Variants in DISP2 observed in about 807,000 individuals in gnomAD.
DISP2 encodes protein dispatched homolog 2.
DISP2 carries 59 observed loss-of-function variants against 95.5 expected under a neutral mutation model. The ratio of observed to expected loss-of-function variants is 0.62; its 90% CI spans 0.50 to 0.77. The LOEUF is 0.77. Among genes scored for constraint, DISP2 ranks in the 30% least tolerant of loss-of-function variants. The pLI, the probability that DISP2 is intolerant of heterozygous loss-of-function variation, is 0.00. For synonymous variants in DISP2, 827 were observed against 815.0 expected (o/e 1.01, Z -0.25); for missense variants, 1,752 against 1,854.6 (o/e 0.94, Z 1.02).
rs1410507055 is a variant in DISP2 at position 40,376,150 on chromosome 15, A to G, written c.*5832A>G. On this transcript the variant is annotated 3_prime_UTR_variant, in exon 8 of 8. Transcript: ENST00000267889. ...AATATATAAATATATATTAAAAAGGAAAAAATAATAAAAATTTTTAAAAAT... is the reference window on the plus strand; with the variant it reads ...AATATATAAATATATATTAAAAAGGGAAAAATAATAAAAATTTTTAAAAAT... 1.3e-5 allele frequency: 2 copies of G among 151,842 alleles called. No individual in the cohort carries two copies. Among genetic ancestry groups the G allele is most frequent in the African/African-American group, 2.4e-5 (1 of 41,402 alleles). 9.4% of individuals were successfully genotyped at this position (151,842 alleles called of 1,614,324 possible).
chr15:40,376,130 A>T lies in DISP2; in HGVS notation c.*5812A>T, dbSNP rs1352161991. ...ATTGACATGTTATATTGTAAAATAT[A>T]TAAATATATATTAAAAAGGAAAAAA... On this transcript the variant is annotated 3_prime_UTR_variant, in exon 8 of 8. Transcript: ENST00000267889. 1 of 151,904 alleles carries T rather than the reference A, an allele frequency of 6.6e-6. No individual in the cohort carries two copies. Among genetic ancestry groups the T allele is most frequent in the African/African-American group, 2.4e-5 (1 of 41,422 alleles). The allele number at this position is 151,904 out of a possible 1,614,324, so 9.4% of individuals were successfully genotyped here.
chr15:40,363,988 C>T, intron 2 of DISP2, 34 bp downstream of exon 2: 1 of 1,513,294 alleles, frequency 6.6e-7, no homozygotes, highest in Non-Finnish European at 8.8e-7. Context: ...CCAGCTGCCA[C>T]TGGAAAATGC....
Position 40,367,738 on chromosome 15 carries a change from C to G in DISP2, c.1626C>G (p.Phe542Leu). The G allele has an allele frequency of 2.5e-6, 4 of 1,612,900 alleles. No individual in the cohort carries two copies. Among genetic ancestry groups the G allele is most frequent in the Non-Finnish European group, 3.4e-6 (4 of 1,180,030 alleles). The change falls in exon 8 of 8, where the codon TTC (phenylalanine) becomes TTG (leucine). Residue 542 changes from phenylalanine to leucine, a missense_variant. By Grantham distance (22) the Phe-to-Leu change is conservative. This residue lies in a region of DISP2 where 732 missense variants were observed against 714.6 expected (regional missense o/e 1.02). Coordinates refer to ENST00000267889, the MANE Select transcript of DISP2 (RefSeq NM_033510.3). ...QVAFRMAYFP[F>L]VNLAALLLLS... ...CCTTCCGCATGGCCTACTTCCCCTTCGTCAATCTGGCAGCCCTCCTCCTGC... is the reference window on the plus strand; with the variant it reads ...CCTTCCGCATGGCCTACTTCCCCTTGGTCAATCTGGCAGCCCTCCTCCTGC...
chr15:40,364,338 C>G, intron 3 of DISP2, 83 bp downstream of exon 3: 1 of 1,613,582 alleles, frequency 6.2e-7, no homozygotes, highest in Non-Finnish European at 8.5e-7. Context: ...TCTGCTCTAT[C>G]TAGCACCCCT....
chr15:40,367,840 G>T lies in DISP2; in HGVS notation c.1728G>T (p.Gly576=), dbSNP rs763958128. ...TTAGCAAGAGCCAGCTGCCGTCGGG[G>T]GGGCTGGCGCAGCGCGTGGGCCGCA... ...WRLSKSQLPS[G]GLAQRVGRTM... is the part of the protein sequence containing the mutation. The change falls in exon 8 of 8, where the codon GGG becomes GGT. Residue 576 remains glycine, a synonymous_variant. Transcript: ENST00000267889. 7 of 1,601,196 alleles carry T rather than the reference G, an allele frequency of 4.4e-6. No individual in the cohort carries two copies. In the East Asian group the frequency reaches 1.1e-4, roughly 25 times the overall value.
intron 1 of DISP2, among the ~76,000 whole-genome samples, chr15:40,360,266 A>G (rs1889386556): frequency 6.6e-6 from 1 of 152,164 alleles, no homozygotes; most frequent in African/African-American, 2.4e-5. Context: ...GAGAATAAAA[A>G]ACCCCTGTGT....
In DISP2 at chr15:40,358,467, T is replaced by C. The variant is rs1295709419; in HGVS notation, c.119+27T>C. Reference sequence around the variant, plus strand: ...TAGGGCGGACAGCTCCGCAGATCCGTATCACAGACCCTCCCAGACCCTCCC... The same window carrying C: ...TAGGGCGGACAGCTCCGCAGATCCGCATCACAGACCCTCCCAGACCCTCCC... On this transcript the variant is annotated intron_variant, in intron 1 of 7. Coordinates refer to ENST00000267889, the MANE Select transcript of DISP2 (RefSeq NM_033510.3). 1.0e-5 allele frequency: 13 copies of C among 1,255,030 alleles called. No homozygotes were observed. In the South Asian group the frequency reaches 1.8e-4, roughly 17 times the overall value. 77.7% of individuals were successfully genotyped at this position (1,255,030 alleles called of 1,614,324 possible).
chr15:40,368,130 A>G lies in DISP2; in HGVS notation c.2018A>G (p.His673Arg). 6.8e-7 allele frequency: 1 copy of G among 1,470,448 alleles called. No individual in the cohort carries two copies. Among genetic ancestry groups the G allele is most frequent in the Admixed American group, 2.5e-5 (1 of 40,452 alleles). The allele number at this position is 1,470,448 out of a possible 1,614,324, so 91.1% of individuals were successfully genotyped here. ...CCCCGGCGGCTACTGCTGGCGCTGCACCGGCGGCTCCGCGGCCTGCGGAGG... is the reference window on the plus strand; with the variant it reads ...CCCCGGCGGCTACTGCTGGCGCTGCGCCGGCGGCTCCGCGGCCTGCGGAGG... ...SAPRRLLLALHRRLRGLRRAA... is the reference protein window; with the variant it reads ...SAPRRLLLALRRRLRGLRRAA... The change falls in exon 8 of 8, where the codon CAC becomes CGC. Residue 673 changes from histidine (H) to arginine (R), a missense_variant. This residue lies in a region of DISP2 where 732 missense variants were observed against 714.6 expected (regional missense o/e 1.02). Transcript: ENST00000267889.
Position 40,370,099 on chromosome 15 carries a change from G to A in DISP2, c.3987G>A (p.Glu1329=). The A allele has an allele frequency of 6.2e-7, 1 of 1,611,252 alleles. No homozygotes were observed. The highest frequency in any genetic ancestry group is 8.5e-7 in the Non-Finnish European group (1 of 1,178,482). The change falls in exon 8 of 8, where the codon GAG becomes GAA. Residue 1329 remains glutamate, a synonymous_variant. Coordinates refer to ENST00000267889, the MANE Select transcript of DISP2 (RefSeq NM_033510.3). Reference sequence around the variant, plus strand: ...ATGACACTGGGCAGCCAGTCCTTGAGCGAGGCCAGCTCAATGGGAAGCGGG... The same window carrying A: ...ATGACACTGGGCAGCCAGTCCTTGAACGAGGCCAGCTCAATGGGAAGCGGG... ...DLDDTGQPVL[E]RGQLNGKRDT...
chr15:40,369,799 T>C lies in DISP2; in HGVS notation c.3687T>C (p.Pro1229=). 6.3e-7 allele frequency: 1 copy of C among 1,598,882 alleles called. No individual in the cohort carries two copies. The change falls in exon 8 of 8, where the codon CCT becomes CCC. Residue 1229 remains proline, a synonymous_variant. Coordinates refer to ENST00000267889, the MANE Select transcript of DISP2 (RefSeq NM_033510.3). ...ACCAGGCAGTCTTCAGCCAGTGCCCTGCCCTGCAGACCTCCTCCCCCTATA... is the reference window on the plus strand; with the variant it reads ...ACCAGGCAGTCTTCAGCCAGTGCCCCGCCCTGCAGACCTCCTCCCCCTATA... ...LDHQAVFSQC[P]ALQTSSPYKQ...
In DISP2 at chr15:40,369,227, T is replaced by C; in HGVS notation, c.3115T>C (p.Ser1039Pro). ...AGACTTCACTGTCAACTACTGCATC[T>C]CCTATCACCTGTGCCCACACCCTGA... Reference protein sequence around the residue: ...SVDFTVNYCISYHLCPHPDRL... With the variant: ...SVDFTVNYCIPYHLCPHPDRL... Residue 1039 changes from serine (S) to proline (P), a missense_variant, in exon 8 of 8, where the codon TCC becomes CCC. By Grantham distance (74) the Ser-to-Pro change is moderately conservative (BLOSUM62 -1). Transcript: ENST00000267889. 1 of 1,613,922 alleles carries C rather than the reference T, an allele frequency of 6.2e-7. No individual in the cohort carries two copies.
In DISP2 at chr15:40,368,135, C is replaced by T; in HGVS notation, c.2023C>T (p.Arg675Trp). The T allele has an allele frequency of 6.8e-7, 1 of 1,472,140 alleles. No individual in the cohort carries two copies. The highest frequency in any genetic ancestry group is 8.9e-7 in the Non-Finnish European group (1 of 1,119,320). 91.2% of individuals were successfully genotyped at this position (1,472,140 alleles called of 1,614,324 possible). A position where few individuals can be genotyped will look rare whatever the true frequency, so the allele number is the denominator to read the frequency against. The change falls in exon 8 of 8, where the codon CGG becomes TGG. Residue 675 changes from arginine to tryptophan, a missense_variant. Arg to Trp is a moderately radical substitution (Grantham distance 101). Coordinates refer to ENST00000267889, the MANE Select transcript of DISP2 (RefSeq NM_033510.3). ...PRRLLLALHR[R>W]LRGLRRAAAG... is the part of the protein sequence containing the mutation. ...GCGGCTACTGCTGGCGCTGCACCGGCGGCTCCGCGGCCTGCGGAGGGCGGC... is the reference window on the plus strand; with the variant it reads ...GCGGCTACTGCTGGCGCTGCACCGGTGGCTCCGCGGCCTGCGGAGGGCGGC...
At position 40,374,014 on chromosome 15, in the gene DISP2, A is replaced by AATATATATATAT. The variant is rs1555400589; in HGVS notation, c.*3703_*3714dup. ...GCGAGACTCCATCTTAAAAAAAAAA[A>AATATATATATAT]ATATATATATATATATATGTAAACT... On this transcript the variant is annotated 3_prime_UTR_variant, in exon 8 of 8. Transcript: ENST00000267889. 97 of 103,954 alleles carry AATATATATATAT rather than the reference A, an allele frequency of 9.3e-4. 1 individual carries two copies. Among genetic ancestry groups the AATATATATATAT allele is most frequent in the African/African-American group, 3.4e-3 (82 of 23,788 alleles). The allele number at this position is 103,954 out of a possible 1,614,324, so 6.4% of individuals were successfully genotyped here.
In DISP2 at chr15:40,367,490, T is replaced by C. The variant is rs1595727508; in HGVS notation, c.1378T>C (p.Trp460Arg). 2 of 1,613,476 alleles carry C rather than the reference T, an allele frequency of 1.2e-6. No homozygotes were observed. Among genetic ancestry groups the C allele is most frequent in the African/African-American group, 1.3e-5 (1 of 74,788 alleles). ...CTACCTGGACCGGCTGGCCACCCCC[T>C]GGGGGCTTGCTGACAACTACACCTC... ...DIYLDRLATP[W>R]GLADNYTSVT... Residue 460 changes from tryptophan to arginine, a missense_variant, in exon 8 of 8, where the codon TGG (tryptophan) becomes CGG (arginine). Physicochemically the swap from Trp to Arg is moderately radical, Grantham distance 101 (BLOSUM62 -3). Around this residue, in one of 5 missense-constraint regions of DISP2, gnomAD observed 732 missense variants for 714.6 expected, o/e 1.02. Coordinates refer to ENST00000267889, the MANE Select transcript of DISP2 (RefSeq NM_033510.3).
intron 1 of DISP2, 101 bp from the exon 2 acceptor site, chr15:40,363,524 C>T: frequency 1.2e-6 from 1 of 869,284 alleles, no homozygotes; most frequent in Non-Finnish European, 1.7e-6. Flanking sequence ...ACCCTGAGTC[C>T]CTGTCCCCTT....
Position 40,367,892 on chromosome 15 carries a change from C to T in DISP2, c.1780C>T (p.Leu594=), listed in dbSNP as rs761895992. 6.3e-7 allele frequency: 1 copy of T among 1,598,700 alleles called. No homozygotes were observed. The highest frequency in any genetic ancestry group is 1.7e-5 in the Admixed American group (1 of 59,920). The change falls in exon 8 of 8, where the codon CTG becomes TTG. Residue 594 remains leucine (L), a synonymous_variant. Transcript: ENST00000267889. ...RTMHHFGYLL[L]VSGLTTSAAF... is the part of the protein sequence containing the mutation. ...CATGCACCACTTCGGCTACCTGCTGCTGGTCTCCGGCCTCACCACGAGCGC... is the reference window on the plus strand; with the variant it reads ...CATGCACCACTTCGGCTACCTGCTGTTGGTCTCCGGCCTCACCACGAGCGC...
intron 6 of DISP2, 29 bp from the exon 7 acceptor site, chr15:40,365,599 G>C (rs748535050): frequency 6.2e-7 from 1 of 1,612,788 alleles, no homozygotes; most frequent in Non-Finnish European, 8.5e-7. Flanking sequence ...CCAAAGGACT[G>C]AGCTCCAGGT....
chr15:40,365,402 A>G lies in DISP2; in HGVS notation c.847+128A>G, dbSNP rs1285920211. On this transcript the variant is annotated intron_variant, in intron 6 of 7. Coordinates refer to ENST00000267889, the MANE Select transcript of DISP2 (RefSeq NM_033510.3). The stretch of plus-strand genomic sequence containing the variant: ...TGGCCAGCTGGCCACAGTCAAGCCA[A>G]GGAAGCCGGGTTACAGCTGGGATAG... The G allele has an allele frequency of 8.1e-6, 12 of 1,472,678 alleles. No homozygotes were observed. In the East Asian group the frequency reaches 2.4e-4, roughly 29 times the overall value. 91.2% of individuals were successfully genotyped at this position (1,472,678 alleles called of 1,614,324 possible).
rs1889668029 is a variant in DISP2, at chr15:40,372,865, G to A, written c.*2547G>A. On this transcript the variant is annotated 3_prime_UTR_variant, in exon 8 of 8. Transcript: ENST00000267889. ...GCATGAGGGATCTGAGCACACCCGA[G>A]GGCCCTACCTGGGGATTTCCAGGTC... is the stretch of plus-strand genomic sequence containing the variant. The A allele has an allele frequency of 6.6e-6, 1 of 152,210 alleles. No homozygotes were observed. Among genetic ancestry groups the A allele is most frequent in the Non-Finnish European group, 1.5e-5 (1 of 68,050 alleles). The allele number at this position is 152,210 out of a possible 1,614,324, so 9.4% of individuals were successfully genotyped here. A position where few individuals can be genotyped will look rare whatever the true frequency, so the allele number is the denominator to read the frequency against.
Sources: gnomAD v4.1 joint callset for allele counts (sites outside exome capture counted in the v4.1 genomes callset) on GRCh38, gnomAD v4.1.1 for gene constraint, gnomAD v4.1.1 regional missense constraint, MANE v1.5 for transcripts, NCBI Gene and HGNC (gene_info 2026-07-23, HGNC 2026-07-21) for gene names.